Variants in PLEKHH2 observed in about 807,000 individuals in gnomAD.
The protein encoded by PLEKHH2 is pleckstrin homology domain-containing family H member 2.
PLEKHH2 carries 129 observed loss-of-function variants against 187.9 expected under a neutral mutation model. That is an observed-to-expected ratio of 0.69 (90% CI 0.59 to 0.79). PLEKHH2 has a LOEUF of 0.79. Among genes scored for constraint, PLEKHH2 ranks in the 30% least tolerant of loss-of-function variants. The pLI, the probability that PLEKHH2 is intolerant of heterozygous loss-of-function variation, is 0.00. For synonymous variants in PLEKHH2, 686 were observed against 605.6 expected, an observed-to-expected ratio of 1.13 and a Z score of -1.95; for missense variants, 2,076 against 1,751.2, an observed-to-expected ratio of 1.19 and a Z score of -3.31.
chr2:43,753,687 A>G lies in PLEKHH2; in HGVS notation c.3722A>G (p.Asn1241Ser). Residue 1241 changes from asparagine (N) to serine (S), a missense_variant, in exon 25 of 30, where the codon AAT (asparagine) becomes AGT (serine). Asn to Ser is a conservative substitution (Grantham distance 46). Coordinates refer to ENST00000282406, the MANE Select transcript of PLEKHH2 (RefSeq NM_172069.4). Reference sequence around the variant, plus strand: ...AAGTTGCTGTTAATGTATCAGACAAATGATCAAATCATAAATGGACTTTTT... The same window carrying G: ...AAGTTGCTGTTAATGTATCAGACAAGTGATCAAATCATAAATGGACTTTTT... ...REKLLLMYQTNDQIINGLFPL... is the reference protein window; with the variant it reads ...REKLLLMYQTSDQIINGLFPL... 6.3e-7 allele frequency: 1 copy of G among 1,585,890 alleles called. No individual in the cohort carries two copies. Among genetic ancestry groups the G allele is most frequent in the South Asian group, 1.2e-5 (1 of 83,424 alleles).
At chr2:43,746,682 A>G (rs753121294) in intron 24 of PLEKHH2, among the ~76,000 whole-genome samples, 2 of 152,302 alleles carry the variant, frequency 1.3e-5, no homozygotes, top group Admixed American at 6.5e-5. Flanking sequence ...GAATACTTCA[A>G]TACCCTACTA....
At chr2:43,743,389 C>A (rs906334068) in intron 22 of PLEKHH2, among the ~76,000 whole-genome samples, 4 of 152,082 alleles carry the variant, frequency 2.6e-5, no homozygotes, top group African/African-American at 9.7e-5. Flanking sequence ...GTCTTTGTAG[C>A]CATATGCCTT....
intron 23 of PLEKHH2, 82 bp from the exon 24 acceptor site, chr2:43,745,784 A>C (rs1340796325): frequency 9.9e-7 from 1 of 1,011,490 alleles, no homozygotes. Flanking sequence ...TAATTGAAAA[A>C]TTTCAGTCTG....
In PLEKHH2 at chr2:43,717,551, T is replaced by G. The variant is rs560033658; in HGVS notation, c.2461-3118T>G. 4.5e-4 allele frequency among the ~76,000 whole-genome samples: 69 copies of G among 152,210 alleles called. 1 individual carries two copies. The highest frequency in any genetic ancestry group is 6.8e-3 in the Middle Eastern group (2 of 294). ...AAAGTAAATTGCAGAAGTGGAGCAG[T>G]TCCCAGTGAAGGAAAAAGGATTAGG... On this transcript the variant is annotated intron_variant, in intron 15 of 29. Transcript: ENST00000282406.
At chr2:43,666,047 G>T (rs1386648370) in intron 2 of PLEKHH2, among the ~76,000 whole-genome samples, 1 of 148,918 alleles carries the variant, frequency 6.7e-6, no homozygotes, top group Non-Finnish European at 1.5e-5. Flanking sequence ...GCAAGCCTGG[G>T]CAATGGCGGG....
In PLEKHH2 at chr2:43,699,495, A is replaced by G. The variant is rs2104482833; in HGVS notation, c.689-152A>G. 1.0e-5 allele frequency: 9 copies of G among 891,980 alleles called. No individual in the cohort carries two copies. In the South Asian group the frequency reaches 1.6e-4, roughly 16 times the overall value. The allele number at this position is 891,980 out of a possible 1,614,324, so 55.3% of individuals were successfully genotyped here. On this transcript the variant is annotated intron_variant, in intron 7 of 29. Coordinates refer to ENST00000282406, the MANE Select transcript of PLEKHH2 (RefSeq NM_172069.4). ...TGGGCTCAAGCAATCATCCTGCCTC[A>G]GCCTCCCAAGTAGCTGGGACTACAG... is the stretch of plus-strand genomic sequence containing the variant.
chr2:43,765,862 C>A lies in PLEKHH2; in HGVS notation c.*264C>A, dbSNP rs989673186. 8.7e-6 allele frequency: 3 copies of A among 346,076 alleles called. No homozygotes were observed. The highest frequency in any genetic ancestry group is 5.2e-6 in the Non-Finnish European group (1 of 193,474). 21.4% of individuals were successfully genotyped at this position (346,076 alleles called of 1,614,324 possible). A position where few individuals can be genotyped will look rare whatever the true frequency, so the allele number is the denominator to read the frequency against. ...TCATCATTTTTTCCATCTCCCTTCT[C>A]CCTTGTCATCAGACACATTGTGCAA... On this transcript the variant is annotated 3_prime_UTR_variant, in exon 30 of 30. Transcript: ENST00000282406.
chr2:43,733,381 AAAT>A (rs1263272944), intron 19 of PLEKHH2, among the ~76,000 whole-genome samples: 1 of 149,736 alleles, frequency 6.7e-6, no homozygotes, highest in Non-Finnish European at 1.5e-5. Flanking sequence ...AAAAAAAAAA[AAAT>A]CCCTCCACTT....
At chr2:43,668,146 C>G (rs572710097) in intron 2 of PLEKHH2, among the ~76,000 whole-genome samples, 31 of 152,208 alleles carry the variant, frequency 2.0e-4, no homozygotes, top group African/African-American at 7.2e-4. Flanking sequence ...GATTCTCCTG[C>G]CTCAGCCTCC....
chr2:43,711,375 C>T (rs1018943621), intron 14 of PLEKHH2: 1 of 985,308 alleles, frequency 1.0e-6, no homozygotes, highest in African/African-American at 1.7e-5. Context: ...TTGTAAGTTT[C>T]TGAAATTTGG....
intron 2 of PLEKHH2, among the ~76,000 whole-genome samples, chr2:43,673,621 TA>T (rs1416137018): frequency 6.6e-6 from 1 of 152,200 alleles, no homozygotes; most frequent in Admixed American, 6.5e-5. Context: ...ATAGGCTGCT[TA>T]AAAAATTTCT....
In PLEKHH2 at chr2:43,677,687, A is replaced by C. The variant is rs868594429; in HGVS notation, c.124-1176A>C. Among the ~76,000 whole-genome samples the C allele has an allele frequency of 9.4e-4, 143 of 151,936 alleles. 1 individual carries two copies. The highest frequency in any genetic ancestry group is 3.3e-3 in the African/African-American group (138 of 41,444). ...ATTCCACAAAACCGCCATTGTCATC[A>C]TGGCCCGTTCTCAATGAGCTGTTGG... On this transcript the variant is annotated intron_variant, in intron 2 of 29. Transcript: ENST00000282406.
At chr2:43,760,922 G>C (rs1049784552) in intron 27 of PLEKHH2, among the ~76,000 whole-genome samples, 1 of 152,164 alleles carries the variant, frequency 6.6e-6, no homozygotes, top group African/African-American at 2.4e-5. Flanking sequence ...ATTTCACTTA[G>C]TGTAATGTCT....
chr2:43,641,242 T>C (rs184339497), intron 1 of PLEKHH2, among the ~76,000 whole-genome samples: 33 of 152,292 alleles, frequency 2.2e-4, no homozygotes, highest in Admixed American at 2.0e-3. Context: ...ATAGTGTCCT[T>C]TGAAGGACAA....
intron 15 of PLEKHH2, among the ~76,000 whole-genome samples, 177 bp from the exon 16 acceptor site, chr2:43,720,492 C>T (rs1388581891): frequency 6.6e-6 from 1 of 152,124 alleles, no homozygotes; most frequent in African/African-American, 2.4e-5. Context: ...TATTTATGTC[C>T]ATGTGTGCTC....
chr2:43,680,279 A>T (rs1326978987), intron 3 of PLEKHH2, among the ~76,000 whole-genome samples: 2 of 152,224 alleles, frequency 1.3e-5, no homozygotes. Context: ...GAGGATTTTG[A>T]ATGTTCACAA....
intron 2 of PLEKHH2, among the ~76,000 whole-genome samples, chr2:43,672,095 A>G (rs1443245521): frequency 6.6e-6 from 1 of 152,218 alleles, no homozygotes; most frequent in East Asian, 1.9e-4. Flanking sequence ...GATTTATTTC[A>G]TAGACATTGG....
At chr2:43,730,267 T>G (rs1282568947) in intron 18 of PLEKHH2, among the ~76,000 whole-genome samples, 1 of 152,108 alleles carries the variant, frequency 6.6e-6, no homozygotes, top group East Asian at 1.9e-4. Flanking sequence ...TCTTTGTGAG[T>G]TTTTTGTTTT....
chr2:43,644,583 T>C (rs1203078152), intron 1 of PLEKHH2, 88 bp from the exon 2 acceptor site: 1 of 1,105,452 alleles, frequency 9.0e-7, no homozygotes, highest in African/African-American at 1.6e-5. Context: ...CATTGGGTAA[T>C]TTAACAAATT....
Sources: gnomAD v4.1 joint callset for allele counts (sites outside exome capture counted in the v4.1 genomes callset) on GRCh38, gnomAD v4.1.1 for gene constraint, MANE v1.5 for transcripts, NCBI Gene and HGNC (gene_info 2026-07-23, HGNC 2026-07-21) for gene names.